The following FGF18 variants were observed in gnomAD, a reference collection of about 807,000 sequenced individuals.
FGF18 encodes fibroblast growth factor 18.
Under a neutral mutation model 23.0 loss-of-function variants are expected in FGF18, and 5 were observed. The ratio of observed to expected loss-of-function variants is 0.22; its 90% CI spans 0.11 to 0.46. The LOEUF is 0.46. Among genes scored for constraint, FGF18 ranks in the 20% least tolerant of loss-of-function variants. The pLI is 0.99. For missense variants in FGF18, 180 were observed against 291.6 expected (o/e 0.62, Z 2.79); for synonymous variants, 117 against 118.9 (o/e 0.98, Z 0.10).
chr5:171,449,168 A>G lies in FGF18; in HGVS notation c.272A>G (p.Asp91Gly). ...GAAGCCCAGCTCCTAGTGGAGACAG[A>G]CACCTTCGGTAGTCAAGTCCGGATC... is the stretch of plus-strand genomic sequence containing the variant. ...DKYAQLLVET[D>G]TFGSQVRIKG... Residue 91 changes from aspartate (D) to glycine (G), a missense_variant, in exon 4 of 5, where the codon GAC becomes GGC. Coordinates refer to ENST00000274625, the MANE Select transcript of FGF18 (RefSeq NM_003862.3). 3 of 1,613,938 alleles carry G rather than the reference A, an allele frequency of 1.9e-6. No homozygotes were observed. Among genetic ancestry groups the G allele is most frequent in the Non-Finnish European group, 2.5e-6 (3 of 1,179,900 alleles).
chr5:171,426,649 A>G (rs909949341), intron 2 of FGF18, among the ~76,000 whole-genome samples: 2 of 152,242 alleles, frequency 1.3e-5, no homozygotes, highest in Non-Finnish European at 2.9e-5. Flanking sequence ...CCTGTGGGCC[A>G]CAGAGTGGAA....
rs995461228 is a variant in FGF18 at position 171,451,675 on chromosome 5, C to G, written c.357+2422C>G. ...AGCTCCAAACCCATCCATGGGTCCT[C>G]CCACCTTGCTATGGGACACCGAAGG... is the stretch of plus-strand genomic sequence containing the variant. On this transcript the variant is annotated intron_variant, in intron 4 of 4. Transcript: ENST00000274625. This position sits in a 1 kb window ranked among gnomAD's most constrained non-coding sequence, Gnocchi z 4.5. Among the ~76,000 whole-genome samples, 1 of 152,162 alleles carries G rather than the reference C, an allele frequency of 6.6e-6. No individual in the cohort carries two copies. Among genetic ancestry groups the G allele is most frequent in the African/African-American group, 2.4e-5 (1 of 41,446 alleles).
Position 171,456,668 on chromosome 5 carries a change from C to A in FGF18, c.487C>A (p.Pro163Thr), listed in dbSNP as rs2113370709. The A allele has an allele frequency of 1.2e-6, 2 of 1,613,938 alleles. No homozygotes were observed. Among genetic ancestry groups the A allele is most frequent in the East Asian group, 4.5e-5 (2 of 44,832 alleles). The change falls in exon 5 of 5, where the codon CCC (proline) becomes ACC (threonine). Residue 163 changes from proline to threonine, a missense_variant. Pro to Thr is a conservative substitution (Grantham distance 38, BLOSUM62 -1). Around this residue, in one of 3 missense-constraint regions of FGF18, gnomAD observed 83 missense variants for 190.4 expected, o/e 0.44. Coordinates refer to ENST00000274625, the MANE Select transcript of FGF18 (RefSeq NM_003862.3). This position sits in a 1 kb window ranked among gnomAD's most constrained non-coding sequence, Gnocchi z 6.1. ...FTKKGRPRKG[P>T]KTRENQQDVH... The stretch of plus-strand genomic sequence containing the variant: ...CAAGAAGGGGCGGCCGCGGAAGGGC[C>A]CCAAGACCCGGGAGAACCAGCAGGA...
intron 3 of FGF18, among the ~76,000 whole-genome samples, chr5:171,443,305 A>G (rs1459640365): frequency 6.8e-6 from 1 of 146,282 alleles, no homozygotes; most frequent in Non-Finnish European, 1.5e-5. Context: ...AATTTTTTTT[A>G]TTTTTATTAG....
In FGF18 at chr5:171,439,773, C is replaced by T. The variant is rs1053472768; in HGVS notation, c.250+3500C>T. ...GGAGAGGGGGCCAGCTGAGCCCACA[C>T]GCAGGGAGACTCTAGCATCGGGGGG... On this transcript the variant is annotated intron_variant, in intron 3 of 4. Coordinates refer to ENST00000274625, the MANE Select transcript of FGF18 (RefSeq NM_003862.3). Among the ~76,000 whole-genome samples, 7 of 152,132 alleles carry T rather than the reference C, an allele frequency of 4.6e-5. No individual in the cohort carries two copies. In the East Asian group the frequency reaches 7.7e-4, roughly 17 times the overall value.
chr5:171,439,135 T>C (rs1008359337), intron 3 of FGF18, among the ~76,000 whole-genome samples: 6 of 152,188 alleles, frequency 3.9e-5, no homozygotes. Context: ...GTGCTGGCTC[T>C]GTGGGTGGGC....
rs1165789042 is a variant in FGF18, at chr5:171,451,373, C to A, written c.357+2120C>A. Among the ~76,000 whole-genome samples the A allele has an allele frequency of 2.6e-5, 4 of 152,242 alleles. No individual in the cohort carries two copies. Among genetic ancestry groups the A allele is most frequent in the Admixed American group, 2.6e-4 (4 of 15,288 alleles). On this transcript the variant is annotated intron_variant, in intron 4 of 4. Transcript: ENST00000274625. The surrounding 1 kb of genome is among the most constrained non-coding windows in gnomAD (Gnocchi z 4.5). Reference sequence around the variant, plus strand: ...TGACCTCTGCCCCGCCCAGCGCCCCCTCGCTCTCTGGCCCCCGAGGCGGGA... The same window carrying A: ...TGACCTCTGCCCCGCCCAGCGCCCCATCGCTCTCTGGCCCCCGAGGCGGGA...
At chr5:171,447,330 A>C (rs1391523240) in intron 3 of FGF18, among the ~76,000 whole-genome samples, 2 of 152,118 alleles carry the variant, frequency 1.3e-5, no homozygotes, top group African/African-American at 4.8e-5. Flanking sequence ...GAGATGGAGA[A>C]AGCAAGTTTC....
intron 2 of FGF18, among the ~76,000 whole-genome samples, chr5:171,432,519 C>T (rs1234429603): frequency 2.0e-5 from 3 of 152,144 alleles, no homozygotes; most frequent in African/African-American, 2.4e-5. Context: ...AGTGATTCTC[C>T]GGCCTCAGCC....
intron 2 of FGF18, among the ~76,000 whole-genome samples, chr5:171,432,837 T>C (rs185253503): frequency 6.6e-6 from 1 of 152,308 alleles, no homozygotes; most frequent in East Asian, 1.9e-4. Flanking sequence ...CCTCCAGATT[T>C]CCCTCACTTT....
rs1053299657 is a variant in FGF18, at chr5:171,440,529, A to G, written c.250+4256A>G. The stretch of plus-strand genomic sequence containing the variant: ...GGAGGGGGCTACTGTGGTGAGTGAC[A>G]TGCCTCGTCCCAGCCATCAAAGAGC... On this transcript the variant is annotated intron_variant, in intron 3 of 4. Coordinates refer to ENST00000274625, the MANE Select transcript of FGF18 (RefSeq NM_003862.3). This position sits in a 1 kb window ranked among gnomAD's most constrained non-coding sequence, Gnocchi z 4.0. Among the ~76,000 whole-genome samples, 1 of 152,114 alleles carries G rather than the reference A, an allele frequency of 6.6e-6. No homozygotes were observed. The highest frequency in any genetic ancestry group is 2.4e-5 in the African/African-American group (1 of 41,426).
At chr5:171,439,113 C>T (rs958035475) in intron 3 of FGF18, among the ~76,000 whole-genome samples, 9 of 152,206 alleles carry the variant, frequency 5.9e-5, no homozygotes, top group African/African-American at 2.2e-4. Context: ...CTGTAAAGGC[C>T]AGAATCCTGA....
At chr5:171,448,845 G>C (rs926001344) in intron 3 of FGF18, among the ~76,000 whole-genome samples, 3 of 152,116 alleles carry the variant, frequency 2.0e-5, no homozygotes, top group Middle Eastern at 3.2e-3. Context: ...GCCACAGGGG[G>C]CAGAACTCCC....
intron 2 of FGF18, among the ~76,000 whole-genome samples, chr5:171,435,098 C>A (rs1008949524): frequency 6.6e-6 from 1 of 152,142 alleles, no homozygotes; most frequent in Non-Finnish European, 1.5e-5. Context: ...TTTGGAATGC[C>A]CAGAGCCATG....
Position 171,456,867 on chromosome 5 carries a change from C to T in FGF18, c.*62C>T. Reference sequence around the variant, plus strand: ...CACTCACACTCCCAGAAAACTGCATCAGAGGAATATTTTTACATGAAAAAT... The same window carrying T: ...CACTCACACTCCCAGAAAACTGCATTAGAGGAATATTTTTACATGAAAAAT... On this transcript the variant is annotated 3_prime_UTR_variant, in exon 5 of 5. Transcript: ENST00000274625. This position sits in a 1 kb window ranked among gnomAD's most constrained non-coding sequence, Gnocchi z 6.1. 1 of 1,521,602 alleles carries T rather than the reference C, an allele frequency of 6.6e-7. No homozygotes were observed. The highest frequency in any genetic ancestry group is 2.3e-5 in the East Asian group (1 of 43,972). The allele number at this position is 1,521,602 out of a possible 1,614,324, so 94.3% of individuals were successfully genotyped here. A position where few individuals can be genotyped will look rare whatever the true frequency, so the allele number is the denominator to read the frequency against.
At chr5:171,421,693 C>T (rs1240739149) in intron 2 of FGF18, among the ~76,000 whole-genome samples, 1 of 152,124 alleles carries the variant, frequency 6.6e-6, no homozygotes, top group Non-Finnish European at 1.5e-5. Flanking sequence ...GGGTTGTTAC[C>T]CTCCTGATAG....
At chr5:171,430,756 CCG>C (rs1362222001) in intron 2 of FGF18, among the ~76,000 whole-genome samples, 1 of 137,200 alleles carries the variant, frequency 7.3e-6, no homozygotes, top group Non-Finnish European at 1.5e-5. Context: ...CCACTGCAGT[CCG>C]TAGTCCGGCC....
chr5:171,445,834 C>T (rs997064190), intron 3 of FGF18, among the ~76,000 whole-genome samples: 2 of 152,066 alleles, frequency 1.3e-5, no homozygotes, highest in Admixed American at 6.5e-5. Context: ...TCATCAACTC[C>T]TCCGCCTGGC....
intron 3 of FGF18, among the ~76,000 whole-genome samples, chr5:171,439,754 G>C (rs10063512): frequency 0.28 from 41,947 of 152,126 alleles, 6,236 homozygotes; most frequent in African/African-American, 0.39. Context: ...AGAAGGAGAG[G>C]GGGCCAGCTG....
Sources: gnomAD v4.1 joint callset for allele counts (sites outside exome capture counted in the v4.1 genomes callset) on GRCh38, gnomAD v4.1.1 for gene constraint, gnomAD v4.1.1 regional missense constraint, Gnocchi (gnomAD v3.1) non-coding constraint, MANE v1.5 for transcripts, NCBI Gene and HGNC (gene_info 2026-07-23, HGNC 2026-07-21) for gene names.